Variants in POF1B observed in about 807,000 individuals in gnomAD.
The protein encoded by POF1B is protein POF1B.
Under a neutral mutation model 55.3 loss-of-function variants are expected in POF1B, and 53 were observed. The observed-to-expected ratio is 0.96, with a 90% CI of 0.77 to 1.20. The LOEUF (loss-of-function observed/expected upper bound fraction) is 1.20, where lower values mean the gene tolerates loss of function less well. Among genes scored for constraint, POF1B ranks in the 50% most tolerant of loss-of-function variants. POF1B has a pLI of 0.00. For synonymous variants in POF1B, 188 were observed against 148.3 expected (o/e 1.27, Z -1.95); for missense variants, 478 against 420.5 (o/e 1.14, Z -1.20).
Position 85,299,669 on chromosome X carries a change from TA to T in POF1B, c.1649+3736del, listed in dbSNP as rs1311037047. ...ACAGGTGCCCGCCACCACGCCTGGC[TA>T]ATTTTTTTTTTGTATTTTTAGTAGA... is the stretch of plus-strand genomic sequence containing the variant. On this transcript the variant is annotated intron_variant, in intron 15 of 16. Transcript: ENST00000262753. 1.1e-3 allele frequency among the ~76,000 whole-genome samples: 116 copies of T among 100,952 alleles called. 1 individual carries two copies. The highest frequency in any genetic ancestry group is 4.4e-3 in the African/African-American group (110 of 25,047). The allele number at this position is 100,952 out of a possible 115,157, so 87.7% of individuals were successfully genotyped here.
At chrX:85,359,845 C>A (rs776699808) in intron 3 of POF1B, among the ~76,000 whole-genome samples, 3 of 111,242 alleles carry the variant, frequency 2.7e-5, no homozygotes, top group African/African-American at 9.7e-5. Context: ...GTATTATACT[C>A]ATTTCATGGT....
At chrX:85,293,124 A>G (rs1380783088) in intron 15 of POF1B, among the ~76,000 whole-genome samples, 3 of 112,073 alleles carry the variant, frequency 2.7e-5, no homozygotes, top group Non-Finnish European at 3.8e-5. Context: ...CAATTCCTCA[A>G]AGACCTAAAG....
rs1490299426 is a variant in POF1B, at chrX:85,306,166, A to T, written c.1317+15T>A. ...ACTAAGGTAATACTGTATATTTAAA[A>T]GGAAGTTTTAATACCTGCATTCTAA... On this transcript the variant is annotated intron_variant, in intron 12 of 16. Transcript: ENST00000262753. 6.8e-6 allele frequency: 8 copies of T among 1,173,955 alleles called. No individual in the cohort carries two copies. The highest frequency in any genetic ancestry group is 3.5e-6 in the Non-Finnish European group (3 of 867,779).
At chrX:85,377,518 G>A (rs991841448) in intron 2 of POF1B, among the ~76,000 whole-genome samples, 5 of 111,293 alleles carry the variant, frequency 4.5e-5, no homozygotes, top group African/African-American at 1.6e-4. Context: ...TTTTCTAACA[G>A]CACTTACTTT....
chrX:85,376,377 G>T (rs896096466), intron 2 of POF1B, among the ~76,000 whole-genome samples: 23 of 111,570 alleles, frequency 2.1e-4, no homozygotes, highest in Admixed American at 6.7e-4. Context: ...AAGAATTTTT[G>T]TTTTACTTTA....
rs1407523222 is a variant in POF1B at position 85,346,110 on chromosome X, A to G, written c.541-68T>C. 5 of 806,034 alleles carry G rather than the reference A, an allele frequency of 6.2e-6. No individual in the cohort carries two copies. The African/African-American group carries it at 6.5e-5, about 11-fold the overall frequency. 66.4% of individuals were successfully genotyped at this position (806,034 alleles called of 1,213,427 possible). A position where few individuals can be genotyped will look rare whatever the true frequency, so the allele number is the denominator to read the frequency against. On this transcript the variant is annotated intron_variant, in intron 5 of 16. Transcript: ENST00000262753. ...CATTACTAATCAAGAAAAACAACTG[A>G]AACCATTTTTTTAAACTTAATGTTT... is the stretch of plus-strand genomic sequence containing the variant.
chrX:85,311,476 C>T (rs955428961), intron 9 of POF1B, among the ~76,000 whole-genome samples: 9 of 110,563 alleles, frequency 8.1e-5, no homozygotes, highest in African/African-American at 2.3e-4. Flanking sequence ...CAGTTTGCTG[C>T]GAATGATGGT....
chrX:85,320,705 A>G (rs928009230), intron 7 of POF1B, among the ~76,000 whole-genome samples: 2 of 111,541 alleles, frequency 1.8e-5, no homozygotes, highest in Non-Finnish European at 3.8e-5. Context: ...CAAGACTAAT[A>G]AAGAAGAAAA....
chrX:85,351,821 T>C (rs151057867), intron 4 of POF1B, among the ~76,000 whole-genome samples: 213 of 111,116 alleles, frequency 1.9e-3, no homozygotes, highest in African/African-American at 6.7e-3. Flanking sequence ...GGAAGATTTC[T>C]TTCTATGCAA....
chrX:85,316,378 AC>A (rs747829105), intron 7 of POF1B, among the ~76,000 whole-genome samples: 2 of 111,221 alleles, frequency 1.8e-5, no homozygotes, highest in Admixed American at 1.9e-4. Flanking sequence ...GGGTCGAAAG[AC>A]CCTTTGTGGA....
intron 7 of POF1B, among the ~76,000 whole-genome samples, chrX:85,318,154 G>A: frequency 9.0e-6 from 1 of 111,389 alleles, no homozygotes; most frequent in Non-Finnish European, 1.9e-5. Flanking sequence ...GAAATAATCT[G>A]TACAACAAAC....
chrX:85,305,511 C>G (rs374701079), intron 13 of POF1B, among the ~76,000 whole-genome samples: 7 of 111,022 alleles, frequency 6.3e-5, no homozygotes, highest in African/African-American at 2.0e-4. Context: ...ATGAAGAGTC[C>G]TCCATCTATC....
intron 15 of POF1B, among the ~76,000 whole-genome samples, chrX:85,284,936 C>T (rs977848328): frequency 9.0e-6 from 1 of 111,556 alleles, no homozygotes; most frequent in Admixed American, 9.5e-5. Flanking sequence ...ACAGAATCTA[C>T]AAAGAACTCA....
At chrX:85,293,631 A>G (rs1178231993) in intron 15 of POF1B, among the ~76,000 whole-genome samples, 1 of 111,877 alleles carries the variant, frequency 8.9e-6, no homozygotes, top group African/African-American at 3.3e-5. Flanking sequence ...TCGTTTACCT[A>G]TGTAGCAAAT....
chrX:85,351,686 C>T (rs1933392679), intron 4 of POF1B, among the ~76,000 whole-genome samples: 1 of 110,538 alleles, frequency 9.0e-6, no homozygotes, highest in Non-Finnish European at 1.9e-5. Flanking sequence ...AGCCTAATAA[C>T]GTCTTTTGTG....
chrX:85,379,185 G>T lies in POF1B; in HGVS notation c.270C>A (p.Ser90Arg), dbSNP rs1933969436. The change falls in exon 2 of 17, where the codon AGC becomes AGA. Residue 90 changes from serine to arginine, a missense_variant. Transcript: ENST00000262753. ...TTSSYQNLVW[S>R]DHSQELHSPT... is the part of the protein sequence containing the mutation. ...TTCTTTGTTGTACCTGAGAATGGTC[G>T]CTCCAAACCAAATTTTGGTAGGAGG... 1.7e-6 allele frequency: 2 copies of T among 1,210,536 alleles called. No individual in the cohort carries two copies. Among genetic ancestry groups the T allele is most frequent in the Non-Finnish European group, 2.2e-6 (2 of 894,711 alleles).
chrX:85,331,131 C>A, intron 6 of POF1B, 52 bp from the exon 7 acceptor site: 1 of 1,104,713 alleles, frequency 9.1e-7, no homozygotes, highest in Non-Finnish European at 1.2e-6. Context: ...TTTCTAAGTT[C>A]ATAGATATTT....
chrX:85,365,655 T>A (rs1396463846), intron 3 of POF1B, among the ~76,000 whole-genome samples: 1 of 111,829 alleles, frequency 8.9e-6, no homozygotes, highest in African/African-American at 3.2e-5. Context: ...TCCCTCTCAA[T>A]GCCCTGAAAG....
intron 15 of POF1B, among the ~76,000 whole-genome samples, chrX:85,298,687 G>A (rs1932368157): frequency 1.8e-5 from 2 of 111,798 alleles, no homozygotes; most frequent in South Asian, 7.5e-4. Context: ...TGTCTACTTG[G>A]CCATCTTGTC....
Sources: gnomAD v4.1 joint callset for allele counts (sites outside exome capture counted in the v4.1 genomes callset) on GRCh38, gnomAD v4.1.1 for gene constraint, MANE v1.5 for transcripts, NCBI Gene and HGNC (gene_info 2026-07-23, HGNC 2026-07-21) for gene names.